INHBA: variants seen among roughly 807,000 people sequenced by gnomAD.
INHBA encodes the protein inhibin subunit beta A.
INHBA carries 1 observed loss-of-function variant against 29.0 expected under a neutral mutation model. The ratio of observed to expected loss-of-function variants is 0.03; its 90% CI spans 0.01 to 0.16. The LOEUF is 0.16. INHBA is among the 10% of genes least tolerant of loss of function. The pLI, the probability that INHBA is intolerant of heterozygous loss-of-function variation, is 1.00. For synonymous variants in INHBA, 242 were observed against 216.8 expected, an observed-to-expected ratio of 1.12 and a Z score of -1.02; for missense variants, 376 against 545.4, an observed-to-expected ratio of 0.69 and a Z score of 3.09.
intron 2 of INHBA, among the ~76,000 whole-genome samples, chr7:41,697,744 C>T (rs367913484): frequency 6.6e-6 from 1 of 152,150 alleles, no homozygotes. Context: ...AGACATAGGT[C>T]TTTTCTATTC....
chr7:41,697,484 C>T (rs985142695), intron 2 of INHBA, among the ~76,000 whole-genome samples: 3 of 152,082 alleles, frequency 2.0e-5, no homozygotes, highest in African/African-American at 7.2e-5. Flanking sequence ...CAGGCCTTGG[C>T]TTTATCCAAC....
chr7:41,689,069 C>G lies in INHBA; in HGVS notation c.*581G>C, dbSNP rs974477644. 4.3e-6 allele frequency: 1 copy of G among 231,660 alleles called. No individual in the cohort carries two copies. The allele number at this position is 231,660 out of a possible 1,614,324, so 14.4% of individuals were successfully genotyped here. ...CACCTGCACACGATTGTTCTTTTACCAGTATGTGTATATATGTAATGTGTG... is the reference window on the plus strand; with the variant it reads ...CACCTGCACACGATTGTTCTTTTACGAGTATGTGTATATATGTAATGTGTG... On this transcript the variant is annotated 3_prime_UTR_variant, in exon 3 of 3. Transcript: ENST00000242208.
At chr7:41,690,575 G>A in intron 2 of INHBA, 33 bp from the exon 3 acceptor site, 1 of 1,526,486 alleles carries the variant, frequency 6.6e-7, no homozygotes, top group Non-Finnish European at 8.7e-7. Context: ...GAGAAAACAG[G>A]CACACCTGTT....
At chr7:41,695,830 G>A (rs1156949456) in intron 2 of INHBA, among the ~76,000 whole-genome samples, 5 of 152,154 alleles carry the variant, frequency 3.3e-5, no homozygotes, top group East Asian at 1.9e-4. Context: ...AGTCGAGTAC[G>A]AAGAATTCAG....
At position 41,685,189 on chromosome 7, in the gene INHBA, CTG is replaced by C. The variant is rs1259967289; in HGVS notation, c.*4459_*4460del. On this transcript the variant is annotated 3_prime_UTR_variant, in exon 3 of 3. Transcript: ENST00000242208. ...GGCGTTGCTGAATACTGTCCACTAA[CTG>C]TACAAAATATTGACTGCATGCCTCG... The C allele has an allele frequency of 6.6e-6, 1 of 152,130 alleles. No homozygotes were observed. Among genetic ancestry groups the C allele is most frequent in the African/African-American group, 2.4e-5 (1 of 41,446 alleles). 9.4% of individuals were successfully genotyped at this position (152,130 alleles called of 1,614,324 possible).
chr7:41,693,164 C>G (rs1217221985), intron 2 of INHBA, among the ~76,000 whole-genome samples: 1 of 152,180 alleles, frequency 6.6e-6, no homozygotes, highest in African/African-American at 2.4e-5. Context: ...AATTAGAGAA[C>G]CCAGAGGGCA....
In INHBA at chr7:41,689,273, A is replaced by G; in HGVS notation, c.*377T>C. 4.0e-6 allele frequency: 1 copy of G among 252,590 alleles called. No homozygotes were observed. Among genetic ancestry groups the G allele is most frequent in the Non-Finnish European group, 7.6e-6 (1 of 131,386 alleles). 15.6% of individuals were successfully genotyped at this position (252,590 alleles called of 1,614,324 possible). On this transcript the variant is annotated 3_prime_UTR_variant, in exon 3 of 3. Transcript: ENST00000242208. ...TATTTGGGTTGTTCTAGTCCACACT[A>G]CTGCAGACTAGATTGGTTGATTCAA...
chr7:41,698,048 C>T (rs1019504483), intron 2 of INHBA, among the ~76,000 whole-genome samples: 14 of 152,086 alleles, frequency 9.2e-5, no homozygotes, highest in Non-Finnish European at 5.9e-5. Context: ...TCCAACGAAT[C>T]GCTTTTTCAA....
rs373322295 is a variant in INHBA, at chr7:41,700,253, G to C, written c.122C>G (p.Ala41Gly). Reference protein sequence around the residue: ...AAPDCPSCALAALPKDVPNSQ... With the variant: ...AAPDCPSCALGALPKDVPNSQ... ...GTTGGGTACATCCTTTGGGAGGGCGGCCAGCGCACAGGACGGACAGTCGGG... is the reference window on the plus strand; with the variant it reads ...GTTGGGTACATCCTTTGGGAGGGCGCCCAGCGCACAGGACGGACAGTCGGG... Residue 41 changes from alanine (A) to glycine (G), a missense_variant, in exon 2 of 3, where the codon GCC becomes GGC. Physicochemically the swap from Ala to Gly is moderately conservative, Grantham distance 60 (BLOSUM62 0). Around this residue, in one of 4 missense-constraint regions of INHBA, gnomAD observed 71 missense variants for 77.0 expected, o/e 0.92. Transcript: ENST00000242208. 6.2e-7 allele frequency: 1 copy of C among 1,610,738 alleles called. No individual in the cohort carries two copies. Among genetic ancestry groups the C allele is most frequent in the South Asian group, 1.1e-5 (1 of 90,850 alleles).
At chr7:41,695,815 G>C (rs1018205109) in intron 2 of INHBA, among the ~76,000 whole-genome samples, 3 of 152,126 alleles carry the variant, frequency 2.0e-5, no homozygotes, top group Non-Finnish European at 2.9e-5. Context: ...TTGGACTTAG[G>C]AACCAGTCGA....
upstream of INHBA, among the ~76,000 whole-genome samples, chr7:41,705,000 AACCACCTGC>A (rs1794883681): frequency 6.6e-6 from 1 of 152,018 alleles, no homozygotes; most frequent in Non-Finnish European, 1.5e-5. Flanking sequence ...ACCCCTCTGC[AACCACCTGC>A]ACCACAGTGG....
rs1325113899 is a variant in INHBA at position 41,689,501 on chromosome 7, T to TGAAAAAAA, written c.*148_*149insTTTTTTTC. 1.3e-6 allele frequency: 1 copy of TGAAAAAAA among 752,254 alleles called. No homozygotes were observed. Among genetic ancestry groups the TGAAAAAAA allele is most frequent in the Non-Finnish European group, 1.9e-6 (1 of 513,126 alleles). The allele number at this position is 752,254 out of a possible 1,614,324, so 46.6% of individuals were successfully genotyped here. On this transcript the variant is annotated 3_prime_UTR_variant, in exon 3 of 3. Transcript: ENST00000242208. ...CATCTGTTTCATCAGGTTTTGTTTT[T>TGAAAAAAA]AATTTACTTTTGTTTTTTTTTGTTT...
Position 41,700,144 on chromosome 7 carries a change from C to A in INHBA, c.231G>T (p.Pro77=), listed in dbSNP as rs1019880841. Residue 77 remains proline, a synonymous_variant, in exon 2 of 3, where the codon CCG becomes CCT. Coordinates refer to ENST00000242208, the MANE Select transcript of INHBA (RefSeq NM_002192.4). ...CGTTCAGAAGCGCCGCCTTGGGTAC[C>A]GGCTGGGTGACATCGGGTCTCTTCT... ...HLKKRPDVTQ[P]VPKAALLNAI... 16 of 1,613,956 alleles carry A rather than the reference C, an allele frequency of 9.9e-6. No homozygotes were observed. The African/African-American group carries it at 2.1e-4, about 22-fold the overall frequency.
chr7:41,701,783 T>C (rs1794802688), intron 1 of INHBA, among the ~76,000 whole-genome samples: 1 of 152,196 alleles, frequency 6.6e-6, no homozygotes, highest in Non-Finnish European at 1.5e-5. Context: ...GGCAAATTAT[T>C]TTTCTCTGTC....
Position 41,689,543 on chromosome 7 carries a change from T to C in INHBA, c.*107A>G. The C allele has an allele frequency of 1.1e-6, 1 of 907,530 alleles. No individual in the cohort carries two copies. Among genetic ancestry groups the C allele is most frequent in the Non-Finnish European group, 1.5e-6 (1 of 666,510 alleles). The allele number at this position is 907,530 out of a possible 1,614,324, so 56.2% of individuals were successfully genotyped here. On this transcript the variant is annotated 3_prime_UTR_variant, in exon 3 of 3. Transcript: ENST00000242208. ...TTTTTGTTTTTTTTTTTGTTTTGTT[T>C]TTAATTTCTATTTTTCTGGTTAACT... is the stretch of plus-strand genomic sequence containing the variant.
In INHBA at chr7:41,700,207, C is replaced by T. The variant is rs755524019; in HGVS notation, c.168G>A (p.Glu56=). ...DVPNSQPEMV[E]AVKKHILNML... ...TGTTTAAAATGTGCTTCTTGACGGCCTCCACCATCTCTGGCTGAGAGTTGG... is the reference window on the plus strand; with the variant it reads ...TGTTTAAAATGTGCTTCTTGACGGCTTCCACCATCTCTGGCTGAGAGTTGG... The change falls in exon 2 of 3, where the codon GAG becomes GAA. Residue 56 remains glutamate (E), a synonymous_variant. Coordinates refer to ENST00000242208, the MANE Select transcript of INHBA (RefSeq NM_002192.4). The T allele has an allele frequency of 6.2e-7, 1 of 1,614,092 alleles. No homozygotes were observed. Among genetic ancestry groups the T allele is most frequent in the East Asian group, 2.2e-5 (1 of 44,842 alleles).
upstream of INHBA, among the ~76,000 whole-genome samples, chr7:41,703,276 A>T (rs1409620019): frequency 1.3e-5 from 2 of 152,160 alleles, no homozygotes; most frequent in Non-Finnish European, 2.9e-5. Context: ...CTGAGACACT[A>T]CTGGGTGATG....
Position 41,690,025 on chromosome 7 carries a change from G to T in INHBA, c.906C>A (p.Asp302Glu). ...FLMLQARQSE[D>E]HPHRRRRRGL... is the part of the protein sequence containing the mutation. ...CCCGCCGACGCCGGCGATGAGGGTG[G>T]TCTTCAGACTGCCGGGCCTGCAGCA... Residue 302 changes from aspartate to glutamate, a missense_variant, in exon 3 of 3, where the codon GAC (aspartate) becomes GAA (glutamate). Coordinates refer to ENST00000242208, the MANE Select transcript of INHBA (RefSeq NM_002192.4). 6.2e-7 allele frequency: 1 copy of T among 1,614,058 alleles called. No individual in the cohort carries two copies. Among genetic ancestry groups the T allele is most frequent in the Non-Finnish European group, 8.5e-7 (1 of 1,180,036 alleles).
At chr7:41,696,356 C>T (rs996002953) in intron 2 of INHBA, among the ~76,000 whole-genome samples, 3 of 152,230 alleles carry the variant, frequency 2.0e-5, no homozygotes, top group African/African-American at 7.2e-5. Context: ...AAATTTATCA[C>T]TCGTCTGCCT....
Sources: gnomAD v4.1 joint callset for allele counts (sites outside exome capture counted in the v4.1 genomes callset) on GRCh38, gnomAD v4.1.1 for gene constraint, gnomAD v4.1.1 regional missense constraint, MANE v1.5 for transcripts, NCBI Gene and HGNC (gene_info 2026-07-23, HGNC 2026-07-21) for gene names.